CR1: variants seen among roughly 807,000 people sequenced by gnomAD.
CR1 encodes complement receptor type 1.
A neutral mutation model predicts 187.3 loss-of-function variants in CR1; 116 were observed. The observed-to-expected ratio is 0.62, with a 90% CI of 0.53 to 0.72. The LOEUF is 0.72. Ranked by LOEUF, CR1 falls within the 30% of genes least tolerant of loss-of-function variation. The probability of loss-of-function intolerance (pLI) is 0.00; values close to 1 mark genes in which losing one functional copy is unlikely to be tolerated. For missense variants in CR1, 1,731 were observed against 2,110.7 expected (o/e 0.82, Z 3.52); for synonymous variants, 576 against 747.1 (o/e 0.77, Z 3.73).
chr1:207,502,858 A>G (rs56146462), intron 1 of CR1, among the ~76,000 whole-genome samples: 9,093 of 152,240 alleles, frequency 0.06, 340 homozygotes, highest in Non-Finnish European at 0.091. Context: ...CGTGGGCACT[A>G]TGATGGAGCT....
chr1:207,607,647 T>C (rs1453366245), intron 36 of CR1, among the ~76,000 whole-genome samples: 3 of 152,220 alleles, frequency 2.0e-5, no homozygotes, highest in African/African-American at 7.2e-5. Context: ...CTTTGCCAAC[T>C]CTTACTATCT....
intron 35 of CR1, 50 bp downstream of exon 35, chr1:207,588,824 C>A: frequency 7.8e-7 from 1 of 1,283,190 alleles, no homozygotes; most frequent in South Asian, 1.3e-5. Context: ...ACAGCAGAGC[C>A]AACTTCTGAC....
chr1:207,607,989 A>G (rs1021648036), intron 36 of CR1, among the ~76,000 whole-genome samples: 1 of 152,224 alleles, frequency 6.6e-6, no homozygotes, highest in African/African-American at 2.4e-5. Context: ...ACAGACTTCC[A>G]GAAAGCTAAT....
At position 207,583,052 on chromosome 1, in the gene CR1, C is replaced by A. The variant is rs147637997; in HGVS notation, c.5302+1049C>A. Among the ~76,000 whole-genome samples the A allele has an allele frequency of 1.6e-3, 243 of 152,206 alleles. 1 individual carries two copies. The highest frequency in any genetic ancestry group is 4.6e-3 in the African/African-American group (192 of 41,536). ...AATCAGGACTGAAAGAGATCTTCAC[C>A]TAGGGAGTGAGTGCTGCTAGAGAAC... On this transcript the variant is annotated intron_variant, in intron 32 of 46. Coordinates refer to ENST00000367049, the MANE Select transcript of CR1 (RefSeq NM_000651.6).
chr1:207,504,705 G>C (rs1297650482), intron 1 of CR1, among the ~76,000 whole-genome samples: 2 of 152,190 alleles, frequency 1.3e-5, no homozygotes, highest in Non-Finnish European at 2.9e-5. Flanking sequence ...AGTGAAAGAT[G>C]ATATAAATAG....
rs751749798 is a variant in CR1 at position 207,511,624 on chromosome 1, A to G, written c.457A>G (p.Ile153Val). ...ATCIISGDTV[I>V]WDNETPICDR... ...ATGCATCATCTCAGGTGATACTGTC[A>G]TTTGGGATAATGAAACACCTATTTG... The change falls in exon 4 of 47, where the codon ATT (isoleucine) becomes GTT (valine). Residue 153 changes from isoleucine (I) to valine (V), a missense_variant. This residue lies in a region of CR1 where 237 missense variants were observed against 240.4 expected (regional missense o/e 0.99). Coordinates refer to ENST00000367049, the MANE Select transcript of CR1 (RefSeq NM_000651.6). The G allele has an allele frequency of 4.0e-5, 65 of 1,613,302 alleles. No homozygotes were observed. Among genetic ancestry groups the G allele is most frequent in the Non-Finnish European group, 5.4e-5 (64 of 1,179,454 alleles).
Position 207,526,729 on chromosome 1 carries a change from T to A in CR1, c.887-24T>A, listed in dbSNP as rs749514197. 28 of 1,500,054 alleles carry A rather than the reference T, an allele frequency of 1.9e-5. 2 individuals are homozygous for A. The highest frequency in any genetic ancestry group is 7.4e-5 in the African/African-American group (4 of 54,096). The allele number at this position is 1,500,054 out of a possible 1,614,324, so 92.9% of individuals were successfully genotyped here. On this transcript the variant is annotated intron_variant, in intron 5 of 46. Transcript: ENST00000367049. ...AAAAAGTTGTTTTCACACAATTAGC[T>A]GTACTTTGTTTCTCTCTCCCCAGTA...
chr1:207,592,128 A>G (rs1661289840), intron 35 of CR1, among the ~76,000 whole-genome samples: 1 of 152,210 alleles, frequency 6.6e-6, no homozygotes, highest in Non-Finnish European at 1.5e-5. Context: ...AAAACCTGGC[A>G]GAGACACAAT....
At chr1:207,568,080 A>T in intron 25 of CR1, 38 bp downstream of exon 25, 3 of 1,610,730 alleles carry the variant, frequency 1.9e-6, no homozygotes, top group Non-Finnish European at 2.5e-6. Context: ...ATGGGTTCAG[A>T]ATATCTAACC....
chr1:207,601,303 T>C (rs1326437909), intron 35 of CR1, among the ~76,000 whole-genome samples: 1 of 152,126 alleles, frequency 6.6e-6, no homozygotes, highest in Non-Finnish European at 1.5e-5. Context: ...CTAATAAAAT[T>C]AAAACTATCC....
chr1:207,626,363 A>ATGC (rs1254613452), intron 45 of CR1, among the ~76,000 whole-genome samples: 1 of 152,226 alleles, frequency 6.6e-6, no homozygotes, highest in African/African-American at 2.4e-5. Flanking sequence ...CTGATTAATC[A>ATGC]TGCAGTCATA....
intron 33 of CR1, among the ~76,000 whole-genome samples, chr1:207,586,417 G>C (rs141440580): frequency 6.6e-6 from 1 of 152,202 alleles, no homozygotes; most frequent in East Asian, 1.9e-4. Flanking sequence ...ACTACAAGGC[G>C]TGAGCCACCA....
At position 207,639,257 on chromosome 1, in the gene CR1, T is replaced by TGTC. The variant is rs1571630532; in HGVS notation, c.7458-140_7458-139insGTC. The TGTC allele has an allele frequency of 5.3e-5, 36 of 684,622 alleles. No homozygotes were observed. The East Asian group carries it at 9.7e-4, about 18-fold the overall frequency. The allele number at this position is 684,622 out of a possible 1,614,324, so 42.4% of individuals were successfully genotyped here. On this transcript the variant is annotated intron_variant, in intron 46 of 46. Transcript: ENST00000367049. Reference sequence around the variant, plus strand: ...AATTATAACATTTCCCTCCAAATGTTCTAACTTGTCCTCCTAAAGCAACTC... The same window carrying TGTC: ...AATTATAACATTTCCCTCCAAATGTTGTCCTAACTTGTCCTCCTAAAGCAACTC...
intron 21 of CR1, 83 bp from the exon 22 acceptor site, chr1:207,563,781 A>G: frequency 1.1e-5 from 9 of 794,936 alleles, no homozygotes; most frequent in Non-Finnish European, 3.5e-6. Context: ...ATAGATTCGT[A>G]ATTATTATTC....
chr1:207,603,606 G>A (rs1042719674), intron 35 of CR1, among the ~76,000 whole-genome samples: 1 of 152,004 alleles, frequency 6.6e-6, no homozygotes, highest in African/African-American at 2.4e-5. Flanking sequence ...TTTATATATA[G>A]ATATATTTTA....
At chr1:207,603,830 A>G (rs1032210162) in intron 35 of CR1, among the ~76,000 whole-genome samples, 8 of 152,212 alleles carry the variant, frequency 5.3e-5, no homozygotes, top group Admixed American at 4.6e-4. Flanking sequence ...CAAAAACACT[A>G]CAATGCACGA....
At chr1:207,506,166 G>A (rs1347077256) in intron 2 of CR1, 83 bp downstream of exon 2, 5 of 1,506,072 alleles carry the variant, frequency 3.3e-6, no homozygotes, top group Non-Finnish European at 3.6e-6. Context: ...TTGTAACTGA[G>A]TTGCATATGA....
intron 45 of CR1, 138 bp from the exon 46 acceptor site, chr1:207,630,379 C>T: frequency 1.5e-5 from 8 of 542,834 alleles, no homozygotes; most frequent in Admixed American, 3.7e-5. Flanking sequence ...TATGATTTTC[C>T]TTTCAGACGT....
At chr1:207,501,821 G>C (rs745846359) in intron 1 of CR1, among the ~76,000 whole-genome samples, 2 of 152,100 alleles carry the variant, frequency 1.3e-5, no homozygotes, top group Non-Finnish European at 2.9e-5. Context: ...GGCATCAATG[G>C]ATAAGACAAA....
Sources: allele counts gnomAD v4.1 joint callset (sites outside exome capture counted in the v4.1 genomes callset), GRCh38; gene constraint gnomAD v4.1.1; regional missense constraint gnomAD v4.1.1; transcripts MANE v1.5; gene names NCBI Gene and HGNC (gene_info 2026-07-23, HGNC 2026-07-21).